The following TSPAN9 variants were observed in gnomAD, a reference collection of about 807,000 sequenced individuals.
TSPAN9 encodes tetraspanin 9.
Under a neutral mutation model 31.0 loss-of-function variants are expected in TSPAN9, and 16 were observed. The ratio of observed to expected loss-of-function variants is 0.52; its 90% confidence interval spans 0.35 to 0.78. TSPAN9 has a LOEUF of 0.78. Among genes scored for constraint, TSPAN9 ranks in the 30% least tolerant of loss-of-function variants. TSPAN9 has a pLI of 0.01. For missense variants in TSPAN9, 272 were observed against 312.5 expected, an observed-to-expected ratio of 0.87 and a Z score of 0.98; for synonymous variants, 145 against 121.6, an observed-to-expected ratio of 1.19 and a Z score of -1.27.
At chr12:3,247,495 G>A (rs982149422) in intron 3 of TSPAN9, among the ~76,000 whole-genome samples, 1 of 152,132 alleles carries the variant, frequency 6.6e-6, no homozygotes, top group Non-Finnish European at 1.5e-5. Flanking sequence ...GACTTGCAGG[G>A]TCTCAAATCC....
chr12:3,252,813 G>A (rs928892408), intron 3 of TSPAN9, among the ~76,000 whole-genome samples: 10 of 152,256 alleles, frequency 6.6e-5, no homozygotes, highest in African/African-American at 2.4e-4. Flanking sequence ...AGGGCTGAGT[G>A]AGCGGGCTGC....
chr12:3,184,748 G>A (rs2098360290), intron 2 of TSPAN9, among the ~76,000 whole-genome samples: 3 of 152,204 alleles, frequency 2.0e-5, no homozygotes, highest in South Asian at 4.1e-4. Flanking sequence ...TGAGGTTGGG[G>A]ATGGGAATAG....
intron 3 of TSPAN9, among the ~76,000 whole-genome samples, chr12:3,235,190 A>C (rs2098392773): frequency 3.0e-5 from 1 of 32,868 alleles, no homozygotes; most frequent in Non-Finnish European, 5.2e-5. Flanking sequence ...CTCAAAAAAA[A>C]AAAAAAAAAA....
intron 2 of TSPAN9, among the ~76,000 whole-genome samples, chr12:3,091,467 A>G (rs2098304562): frequency 6.6e-6 from 1 of 152,222 alleles, no homozygotes; most frequent in South Asian, 2.1e-4. Flanking sequence ...GTGATGGGTC[A>G]TTAATGCATC....
At position 3,144,957 on chromosome 12, in the gene TSPAN9, A is replaced by G. The variant is rs184545283; in HGVS notation, c.-17-56220A>G. 2.0e-5 allele frequency among the ~76,000 whole-genome samples: 3 copies of G among 152,354 alleles called. No homozygotes were observed. The East Asian group carries it at 5.8e-4, about 29-fold the overall frequency. ...ATGTTACGAGGATAATCTGATCATC[A>G]AATTGTGTTTCTTAGCATTTAATTG... On this transcript the variant is annotated intron_variant, in intron 2 of 8. Transcript: ENST00000011898.
rs2098315107 is a variant in TSPAN9 at position 3,107,168 on chromosome 12, G to A, written c.-18+23449G>A. On this transcript the variant is annotated intron_variant, in intron 2 of 8. Transcript: ENST00000011898. This position sits in a 1 kb window ranked among gnomAD's most constrained non-coding sequence, Gnocchi z 4.1. ...GTGGAAATCCAATTAGACTTGAGCC[G>A]CCGGCGGCCCCCTCCGTGGGGAGTG... Among the ~76,000 whole-genome samples the A allele has an allele frequency of 1.3e-5, 2 of 152,148 alleles. No individual in the cohort carries two copies. The highest frequency in any genetic ancestry group is 4.8e-5 in the African/African-American group (2 of 41,430).
Position 3,280,635 on chromosome 12 carries a change from C to T in TSPAN9, c.432+152C>T. 1.4e-6 allele frequency: 1 copy of T among 698,014 alleles called. No individual in the cohort carries two copies. The highest frequency in any genetic ancestry group is 1.7e-5 in the South Asian group (1 of 57,488). The allele number at this position is 698,014 out of a possible 1,614,324, so 43.2% of individuals were successfully genotyped here. A position where few individuals can be genotyped will look rare whatever the true frequency, so the allele number is the denominator to read the frequency against. The stretch of plus-strand genomic sequence containing the variant: ...GTACCCACGGGGGCATTTGCCTGAA[C>T]TGCTGAGTCAGATGTGATACAGCAA... On this transcript the variant is annotated intron_variant, in intron 6 of 8. Coordinates refer to ENST00000011898, the MANE Select transcript of TSPAN9 (RefSeq NM_006675.5). The surrounding 1 kb of genome is among the most constrained non-coding windows in gnomAD (Gnocchi z 4.5).
intron 2 of TSPAN9, among the ~76,000 whole-genome samples, chr12:3,165,100 C>T (rs376617264): frequency 6.6e-6 from 1 of 152,170 alleles, no homozygotes; most frequent in Non-Finnish European, 1.5e-5. Context: ...AAATGCCTCT[C>T]TGTGATCTGT....
intron 3 of TSPAN9, among the ~76,000 whole-genome samples, chr12:3,223,999 A>G (rs1371668007): frequency 2.1e-4 from 32 of 152,176 alleles, no homozygotes; most frequent in Admixed American, 2.1e-3. Flanking sequence ...TCTCCTGTGC[A>G]GCCAAGGTTG....
intron 2 of TSPAN9, among the ~76,000 whole-genome samples, chr12:3,113,477 T>C (rs1401519796): frequency 6.6e-6 from 1 of 152,230 alleles, no homozygotes; most frequent in East Asian, 1.9e-4. Context: ...AGTCAAAAGA[T>C]GGCTTCTTTC....
intron 3 of TSPAN9, among the ~76,000 whole-genome samples, chr12:3,277,840 C>T (rs750581914): frequency 2.6e-5 from 4 of 152,188 alleles, no homozygotes; most frequent in South Asian, 2.1e-4. Context: ...CCCAGCCAGC[C>T]GATGACTGCC....
At chr12:3,182,265 G>T (rs1478372921) in intron 2 of TSPAN9, among the ~76,000 whole-genome samples, 1 of 152,006 alleles carries the variant, frequency 6.6e-6, no homozygotes. Flanking sequence ...TTGATGGAAT[G>T]AAGAAACTGC....
intron 2 of TSPAN9, among the ~76,000 whole-genome samples, chr12:3,178,532 C>G (rs1184406649): frequency 6.6e-6 from 1 of 152,218 alleles, no homozygotes; most frequent in Non-Finnish European, 1.5e-5. Context: ...CTAAGGTGAT[C>G]TGCCCGCCTT....
intron 3 of TSPAN9, among the ~76,000 whole-genome samples, chr12:3,238,034 CT>C (rs2098394692): frequency 6.6e-6 from 1 of 152,046 alleles, no homozygotes; most frequent in East Asian, 1.9e-4. Flanking sequence ...CTACCTTCCT[CT>C]CCTCTTCCTT....
intron 2 of TSPAN9, among the ~76,000 whole-genome samples, chr12:3,199,711 C>T (rs1301078168): frequency 6.6e-6 from 1 of 152,148 alleles, no homozygotes; most frequent in Non-Finnish European, 1.5e-5. Context: ...CCTGGCGGAG[C>T]GCCTTGTGTG....
intron 3 of TSPAN9, among the ~76,000 whole-genome samples, chr12:3,252,343 C>T (rs944755994): frequency 9.2e-5 from 14 of 152,286 alleles, no homozygotes; most frequent in East Asian, 3.9e-4. Context: ...GTGATGGCAG[C>T]GAGATGGGGA....
At chr12:3,171,530 C>A (rs1295601770) in intron 2 of TSPAN9, 1 of 152,252 alleles carries the variant, frequency 6.6e-6, no homozygotes, top group Non-Finnish European at 1.5e-5. Flanking sequence ...TTGTTAGTTA[C>A]CCATCCCTGT....
chr12:3,139,648 T>C (rs593025), intron 2 of TSPAN9, among the ~76,000 whole-genome samples: 148,535 of 152,174 alleles, frequency 0.98, 72,599 homozygotes, highest in East Asian at 1. Context: ...CAGGCTCAAG[T>C]CGTTCTCCCA....
chr12:3,105,953 A>G (rs2098314424), intron 2 of TSPAN9, among the ~76,000 whole-genome samples: 1 of 150,992 alleles, frequency 6.6e-6, no homozygotes, highest in African/African-American at 2.4e-5. Flanking sequence ...CGCCTCCCTT[A>G]CCCTCACGTG....
Sources: allele counts gnomAD v4.1 joint callset (sites outside exome capture counted in the v4.1 genomes callset), GRCh38; gene constraint gnomAD v4.1.1; non-coding constraint Gnocchi (gnomAD v3.1); transcripts MANE v1.5; gene names NCBI Gene and HGNC (gene_info 2026-07-23, HGNC 2026-07-21).